The following KCNN2 variants were observed in gnomAD, a reference collection of about 807,000 sequenced individuals.
KCNN2 encodes small conductance calcium-activated potassium channel protein 2.
In KCNN2, 24 loss-of-function variants were observed where a neutral mutation model predicts 55.5. That is an observed-to-expected ratio of 0.43 (90% confidence interval 0.31 to 0.61). The LOEUF (loss-of-function observed/expected upper bound fraction) is 0.61. Among genes scored for constraint, KCNN2 ranks in the 20% least tolerant of loss-of-function variants. The pLI, the probability that KCNN2 is intolerant of heterozygous loss-of-function variation, is 0.08. For missense variants in KCNN2, 754 were observed against 853.6 expected, an observed-to-expected ratio of 0.88 and a Z score of 1.45; for synonymous variants, 431 against 336.1, an observed-to-expected ratio of 1.28 and a Z score of -3.09.
At chr5:114,415,490 G>T (rs1047377100) in intron 3 of KCNN2, among the ~76,000 whole-genome samples, 3 of 152,134 alleles carry the variant, frequency 2.0e-5, no homozygotes, top group Admixed American at 6.5e-5. Flanking sequence ...CAGTATGTCT[G>T]AATATACACA....
Position 114,317,860 on chromosome 5 carries a change from C to T in KCNN2, c.-184-43085C>T, listed in dbSNP as rs541997868. On this transcript the variant is annotated intron_variant, in intron 2 of 10. Coordinates refer to the KCNN2 transcript ENST00000512097. ...GGCATGTTTCTTAGCGACTGCCTGC[C>T]GCAGGCAACGTGCCTGCCCATCTTC... Among the ~76,000 whole-genome samples, 5 of 152,302 alleles carry T rather than the reference C, an allele frequency of 3.3e-5. No homozygotes were observed. In the South Asian group the frequency reaches 8.3e-4, roughly 25 times the overall value.
At chr5:114,191,336 G>T (rs1753444168) in intron 1 of KCNN2, among the ~76,000 whole-genome samples, 1 of 152,040 alleles carries the variant, frequency 6.6e-6, no homozygotes. Context: ...TTATGCTTCA[G>T]TGTCTGCCTG....
At chr5:114,114,853 A>G (rs1339102851) in intron 1 of KCNN2, among the ~76,000 whole-genome samples, 41 of 152,302 alleles carry the variant, frequency 2.7e-4, no homozygotes, top group Non-Finnish European at 1.2e-4. Flanking sequence ...ATTTTAGGCA[A>G]TCAAAATATT....
intron 1 of KCNN2, among the ~76,000 whole-genome samples, chr5:114,075,211 C>A (rs1017805465): frequency 6.6e-5 from 10 of 152,166 alleles, no homozygotes; most frequent in Admixed American, 6.5e-4. Flanking sequence ...TGTGATTACT[C>A]ATGAATTTCT....
chr5:114,108,802 G>A (rs1372703092), intron 1 of KCNN2, among the ~76,000 whole-genome samples: 1 of 151,904 alleles, frequency 6.6e-6, no homozygotes, highest in Non-Finnish European at 1.5e-5. Flanking sequence ...TTCAGTTTGG[G>A]GCTTTTGTGG....
intron 5 of KCNN2, 28 bp downstream of exon 5, chr5:114,473,192 G>A: frequency 7.6e-7 from 1 of 1,319,936 alleles, no homozygotes; most frequent in Non-Finnish European, 1.1e-6. Context: ...TATCTTCAAA[G>A]AGAATATTAT....
chr5:114,069,871 T>C (rs2632145), intron 1 of KCNN2, among the ~76,000 whole-genome samples: 4,038 of 152,292 alleles, frequency 0.027, 185 homozygotes, highest in African/African-American at 0.091. Context: ...TGATAATGCA[T>C]GTCCCAGCTG....
intron 3 of KCNN2, among the ~76,000 whole-genome samples, chr5:114,414,620 G>A (rs1013431495): frequency 2.6e-5 from 4 of 152,060 alleles, no homozygotes; most frequent in Admixed American, 6.6e-5. Flanking sequence ...AATAATTAAG[G>A]ATACTAAAAA....
rs561137181 is a variant in KCNN2 at position 114,409,327 on chromosome 5, A to G, written c.1637+4471A>G. Among the ~76,000 whole-genome samples, 9 of 142,312 alleles carry G rather than the reference A, an allele frequency of 6.3e-5. No individual in the cohort carries two copies. The South Asian group carries it at 1.1e-3, about 18-fold the overall frequency. The allele number at this position is 142,312 out of a possible 152,430, so 93.4% of individuals were successfully genotyped here. ...CTCCAGATTGTGGTTTGTAAGATACAAAGATAAAAAAAAATTGTTTTTCCG... is the reference window on the plus strand; with the variant it reads ...CTCCAGATTGTGGTTTGTAAGATACGAAGATAAAAAAAAATTGTTTTTCCG... On this transcript the variant is annotated intron_variant, in intron 3 of 7. Coordinates refer to ENST00000673685, the MANE Select transcript of KCNN2 (RefSeq NM_021614.4).
intron 1 of KCNN2, among the ~76,000 whole-genome samples, chr5:114,127,910 C>T (rs1751972224): frequency 6.6e-6 from 1 of 152,148 alleles, no homozygotes; most frequent in Admixed American, 6.5e-5. Flanking sequence ...GCAAGAGTCA[C>T]CTTTATTCCA....
intron 1 of KCNN2, among the ~76,000 whole-genome samples, chr5:114,096,650 G>A (rs2632117): frequency 1.3e-5 from 2 of 151,990 alleles, no homozygotes; most frequent in African/African-American, 2.4e-5. Flanking sequence ...TCTCTCCCTC[G>A]TGGTACTCCT....
At chr5:114,140,936 G>A (rs566694923) in intron 1 of KCNN2, among the ~76,000 whole-genome samples, 3 of 151,412 alleles carry the variant, frequency 2.0e-5, no homozygotes, top group Non-Finnish European at 4.4e-5. Context: ...TTGTAGGTGC[G>A]CACCACCACA....
chr5:114,494,366 A>G (rs144921487), intron 7 of KCNN2, among the ~76,000 whole-genome samples: 2 of 150,838 alleles, frequency 1.3e-5, no homozygotes, highest in Non-Finnish European at 3.0e-5. Flanking sequence ...CATCTAAATT[A>G]CATTCATTTT....
intron 2 of KCNN2, among the ~76,000 whole-genome samples, chr5:114,226,125 T>TCA (rs1610987): frequency 0.85 from 128,764 of 151,946 alleles, 54,629 homozygotes; most frequent in East Asian, 0.9. Flanking sequence ...CCTGTTTTCT[T>TCA]GTAGGTTAGT....
intron 2 of KCNN2, among the ~76,000 whole-genome samples, chr5:114,263,542 A>T (rs1482418067): frequency 1.3e-5 from 2 of 152,162 alleles, no homozygotes; most frequent in Non-Finnish European, 2.9e-5. Flanking sequence ...CTTCAGCCTG[A>T]GTTCTTCCCT....
chr5:114,235,523 T>G (rs1754471951), intron 2 of KCNN2, among the ~76,000 whole-genome samples: 1 of 152,230 alleles, frequency 6.6e-6, no homozygotes, highest in South Asian at 2.1e-4. Flanking sequence ...AGTTTATACA[T>G]TGGAAACCTA....
At chr5:114,478,338 G>C (rs905923710) in intron 5 of KCNN2, among the ~76,000 whole-genome samples, 2 of 152,052 alleles carry the variant, frequency 1.3e-5, no homozygotes, top group Non-Finnish European at 2.9e-5. Context: ...ACAAAGCAAA[G>C]TTTTAATGAA....
At chr5:114,212,308 G>C (rs1418077952) in intron 1 of KCNN2, among the ~76,000 whole-genome samples, 1 of 152,032 alleles carries the variant, frequency 6.6e-6, no homozygotes, top group Non-Finnish European at 1.5e-5. Flanking sequence ...ATTGCATGGT[G>C]CATAATTCCC....
chr5:114,237,090 G>T (rs1038936096), intron 2 of KCNN2, among the ~76,000 whole-genome samples: 1 of 152,064 alleles, frequency 6.6e-6, no homozygotes, highest in East Asian at 1.9e-4. Flanking sequence ...TTCTCTTGGG[G>T]ATATATTTCT....
Sources: allele counts gnomAD v4.1 joint callset (sites outside exome capture counted in the v4.1 genomes callset), GRCh38; gene constraint gnomAD v4.1.1; transcripts MANE v1.5; gene names NCBI Gene and HGNC (gene_info 2026-07-23, HGNC 2026-07-21).